CANX: variants seen among roughly 807,000 people sequenced by gnomAD.
The protein encoded by CANX is epididymis secretory sperm binding protein.
Under a neutral mutation model 75.7 loss-of-function variants are expected in CANX, and 14 were observed. That is an observed-to-expected ratio of 0.19 (90% CI 0.12 to 0.29). The LOEUF (loss-of-function observed/expected upper bound fraction) is 0.29. CANX is among the 10% of genes least tolerant of loss of function. CANX has a pLI of 1.00. For missense variants in CANX, 567 were observed against 713.2 expected, an observed-to-expected ratio of 0.79 and a Z score of 2.34; for synonymous variants, 227 against 236.9, an observed-to-expected ratio of 0.96 and a Z score of 0.38.
Position 179,679,781 on chromosome 5 carries a change from C to T in CANX, c.-4+1004C>T, listed in dbSNP as rs545479238. 3.3e-5 allele frequency among the ~76,000 whole-genome samples: 5 copies of T among 152,104 alleles called. No individual in the cohort carries two copies. The East Asian group carries it at 9.7e-4, about 29-fold the overall frequency. Reference sequence around the variant, plus strand: ...TCCAGCAGTTCTCCTGCCTCAGCCTCTTGAGTAGCTGAGATTACAGGCGCC... The same window carrying T: ...TCCAGCAGTTCTCCTGCCTCAGCCTTTTGAGTAGCTGAGATTACAGGCGCC... On this transcript the variant is annotated intron_variant, in intron 1 of 14. Coordinates refer to the CANX transcript ENST00000681674.
At chr5:179,682,951 G>C (rs183181163) in intron 1 of CANX, among the ~76,000 whole-genome samples, 1 of 152,102 alleles carries the variant, frequency 6.6e-6, no homozygotes, top group Non-Finnish European at 1.5e-5. Context: ...CCACGTGTGC[G>C]GACAGTGGAA....
chr5:179,714,887 C>T (rs915541219), intron 7 of CANX, among the ~76,000 whole-genome samples: 1 of 152,128 alleles, frequency 6.6e-6, no homozygotes, highest in East Asian at 1.9e-4. Context: ...GCCTTAGCCT[C>T]CCAAGTAGTT....
upstream of CANX, chr5:179,698,520 C>T (rs748235919): frequency 4.8e-5 from 62 of 1,289,306 alleles, no homozygotes; most frequent in South Asian, 6.0e-4. Flanking sequence ...TCGTCGGACT[C>T]CTACCCCTTT....
intron 8 of CANX, among the ~76,000 whole-genome samples, chr5:179,717,225 G>A (rs1778018177): frequency 6.6e-6 from 1 of 152,090 alleles, no homozygotes; most frequent in Non-Finnish European, 1.5e-5. Flanking sequence ...ACATATAACT[G>A]AACTTTTGTA....
In CANX at chr5:179,678,924, G is replaced by A. The variant is rs766357097; in HGVS notation, c.-4+147G>A. ...CGCCCGCCGCGGAACACGAAGGCCT[G>A]GTTGCTGAGGCGCATGCACGGCGCG... On this transcript the variant is annotated intron_variant, in intron 1 of 14. Transcript: ENST00000681674. The A allele has an allele frequency of 1.1e-5, 17 of 1,535,032 alleles. No individual in the cohort carries two copies. The South Asian group carries it at 1.3e-4, about 12-fold the overall frequency.
Position 179,726,669 on chromosome 5 carries a change from TTCTG to T in CANX, c.1646-7_1646-4del. On this transcript the variant is annotated splice_polypyrimidine_tract_variant and splice_region_variant and intron_variant, in intron 13 of 14. Transcript: ENST00000247461. Reference sequence around the variant, plus strand: ...ATAAGGTTTTGCTCAGTTGTTTAACTTCTGTCTTAGAAGAGAAACAGAAAAGTGA... The same window carrying T: ...ATAAGGTTTTGCTCAGTTGTTTAACTTCTTAGAAGAGAAACAGAAAAGTGA... The T allele has an allele frequency of 6.2e-7, 1 of 1,600,472 alleles. No homozygotes were observed. The highest frequency in any genetic ancestry group is 8.6e-7 in the Non-Finnish European group (1 of 1,167,664).
At position 179,716,285 on chromosome 5, in the gene CANX, C is replaced by T; in HGVS notation, c.902C>T (p.Pro301Leu). 6.2e-7 allele frequency: 1 copy of T among 1,613,434 alleles called. No individual in the cohort carries two copies. Among genetic ancestry groups the T allele is most frequent in the Non-Finnish European group, 8.5e-7 (1 of 1,179,522 alleles). ...PKIPDPEAVK[P>L]DDWDEDAPAK... Reference sequence around the variant, plus strand: ...ATCCCAGATCCAGAAGCTGTCAAGCCAGATGACTGGTGAGTCTTGGGGAAC... The same window carrying T: ...ATCCCAGATCCAGAAGCTGTCAAGCTAGATGACTGGTGAGTCTTGGGGAAC... The change falls in exon 8 of 15, where the codon CCA (proline) becomes CTA (leucine). Residue 301 changes from proline (P) to leucine (L), a missense_variant. Physicochemically the swap from Pro to Leu is moderately conservative, Grantham distance 98. Around this residue, in one of 3 missense-constraint regions of CANX, gnomAD observed 351 missense variants for 433.8 expected, o/e 0.81. Coordinates refer to ENST00000247461, the MANE Select transcript of CANX (RefSeq NM_001746.4).
intron 1 of CANX, among the ~76,000 whole-genome samples, chr5:179,688,172 C>T (rs1357150787): frequency 6.7e-6 from 1 of 149,712 alleles, no homozygotes; most frequent in African/African-American, 2.5e-5. Context: ...ATTCTCTTCC[C>T]TCAGCCTCCC....
intron 1 of CANX, among the ~76,000 whole-genome samples, chr5:179,690,426 AT>A (rs562396092): frequency 5.5e-4 from 83 of 151,916 alleles, no homozygotes; most frequent in African/African-American, 1.8e-3. Context: ...AAATACAAAA[AT>A]TAGCCAGGTG....
chr5:179,706,459 T>TTTATTTG (rs2113139517), intron 3 of CANX, 128 bp downstream of exon 3: 1 of 525,988 alleles, frequency 1.9e-6, no homozygotes, highest in South Asian at 3.1e-5. Flanking sequence ...TTATTTATTT[T>TTTATTTG]TTGAGACAGA....
At chr5:179,709,320 A>G (rs900080017) in intron 6 of CANX, among the ~76,000 whole-genome samples, 3 of 152,070 alleles carry the variant, frequency 2.0e-5, no homozygotes, top group African/African-American at 7.2e-5. Context: ...AGGCTGAGGC[A>G]GGAGAATGGC....
At chr5:179,713,318 C>T (rs1352595837) in intron 7 of CANX, among the ~76,000 whole-genome samples, 1 of 152,166 alleles carries the variant, frequency 6.6e-6, no homozygotes, top group Non-Finnish European at 1.5e-5. Context: ...TTGATCCGCC[C>T]ACCTCGGCCT....
chr5:179,714,974 AG>A (rs943745264), intron 7 of CANX, among the ~76,000 whole-genome samples: 13 of 152,016 alleles, frequency 8.6e-5, no homozygotes, highest in Admixed American at 7.2e-4. Context: ...CATGTTGGCC[AG>A]GCTGGTCTCG....
upstream of CANX, chr5:179,694,786 C>A (rs199728632): frequency 3.6e-4 from 141 of 390,166 alleles, no homozygotes; most frequent in South Asian, 1.1e-3. Context: ...GTTTATCTGT[C>A]AAAAAAAAAA....
At chr5:179,717,990 G>A (rs7713427) in intron 8 of CANX, among the ~76,000 whole-genome samples, 145,805 of 152,112 alleles carry the variant, frequency 0.96, 70,174 homozygotes, top group East Asian at 1. Context: ...TGCTGGGATT[G>A]CAGGCGTGAG....
In CANX at chr5:179,685,374, G is replaced by A. The variant is rs1033292881; in HGVS notation, c.-4+6597G>A. Among the ~76,000 whole-genome samples, 5 of 150,084 alleles carry A rather than the reference G, an allele frequency of 3.3e-5. No homozygotes were observed. The South Asian group carries it at 6.3e-4, about 19-fold the overall frequency. The stretch of plus-strand genomic sequence containing the variant: ...ACTGCAACCTCCACCTCAGCCTCCC[G>A]TGTAGCTGGGATTACAAGCATGTGC... On this transcript the variant is annotated intron_variant, in intron 1 of 14. Coordinates refer to the CANX transcript ENST00000681674.
chr5:179,679,197 G>T (rs1322279197), intron 1 of CANX: 1 of 1,534,868 alleles, frequency 6.5e-7, no homozygotes. Flanking sequence ...GAGCGCTGGC[G>T]ACTCGTGCTG....
intron 1 of CANX, chr5:179,700,831 C>A (rs1361014044): frequency 6.6e-6 from 1 of 151,674 alleles, no homozygotes; most frequent in Non-Finnish European, 1.5e-5. Context: ...ATTGCAGGCT[C>A]ATGAAACTTG....
Position 179,720,412 on chromosome 5 carries a change from A to C in CANX, c.1034A>C (p.Asp345Ala), listed in dbSNP as rs761684718. 2 of 1,613,838 alleles carry C rather than the reference A, an allele frequency of 1.2e-6. No individual in the cohort carries two copies. The highest frequency in any genetic ancestry group is 3.3e-5 in the Admixed American group (2 of 60,012). ...TGTTTGTACCTCCGTAGGGATGAAG[A>C]CATGGATGGAGAATGGGAGGCTCCT... ...DAEKPEDWDE[D>A]MDGEWEAPQI... Residue 345 changes from aspartate to alanine, a missense_variant, in exon 10 of 15, where the codon GAC becomes GCC. Asp to Ala is a moderately radical substitution (Grantham distance 126, BLOSUM62 -2). Transcript: ENST00000247461.
Sources: gnomAD v4.1 joint callset for allele counts (sites outside exome capture counted in the v4.1 genomes callset) on GRCh38, gnomAD v4.1.1 for gene constraint, gnomAD v4.1.1 regional missense constraint, MANE v1.5 for transcripts, NCBI Gene and HGNC (gene_info 2026-07-23, HGNC 2026-07-21) for gene names.